Variants in PCNT observed in about 807,000 individuals in gnomAD.
The protein encoded by PCNT is kendrin.
A neutral mutation model predicts 380.4 loss-of-function variants in PCNT; 319 were observed. The ratio of observed to expected loss-of-function variants is 0.84; its 90% CI spans 0.77 to 0.92. The LOEUF (loss-of-function observed/expected upper bound fraction) is 0.92, where lower values mean the gene tolerates loss of function less well. Ranked by LOEUF, PCNT falls within the 40% of genes least tolerant of loss-of-function variation. The pLI is 0.00. For missense variants in PCNT, 4,400 were observed against 4,255.3 expected, an observed-to-expected ratio of 1.03 and a Z score of -0.95; for synonymous variants, 1,845 against 1,735.2, an observed-to-expected ratio of 1.06 and a Z score of -1.57.
rs144633170 is a variant in PCNT at position 46,425,910 on chromosome 21, C to T, written c.7259C>T (p.Pro2420Leu). ...SEGLAPPSGE[P>L]HPPRKEDEIQ... ...GGCCTTGCACCCCCAAGCGGCGAGC[C>T]ACACCCACCCCGGAAGGAAGACGAG... The change falls in exon 33 of 47, where the codon CCA (proline) becomes CTA (leucine). Residue 2420 changes from proline (P) to leucine (L), a missense_variant. Coordinates refer to ENST00000359568, the MANE Select transcript of PCNT (RefSeq NM_006031.6). The surrounding 1 kb of genome is among the most constrained non-coding windows in gnomAD (Gnocchi z 4.2). 83 of 1,613,916 alleles carry T rather than the reference C, an allele frequency of 5.1e-5. No individual in the cohort carries two copies. The African/African-American group carries it at 1.0e-3, about 19-fold the overall frequency.
At chr21:46,418,844 G>T (rs1049591650) in intron 31 of PCNT, among the ~76,000 whole-genome samples, 2 of 152,172 alleles carry the variant, frequency 1.3e-5, no homozygotes, top group Non-Finnish European at 2.9e-5. Flanking sequence ...GATGGTGCGT[G>T]GGGGGCTGCG....
intron 13 of PCNT, among the ~76,000 whole-genome samples, chr21:46,359,504 T>TTTTTTTTTTTTTTTTTTTTA: frequency 8.1e-6 from 1 of 124,020 alleles, no homozygotes; most frequent in Non-Finnish European, 1.8e-5. Context: ...TTTTTTTTTT[T>TTTTTTTTTTTTTTTTTTTTA]TTTGAGACAG....
intron 25 of PCNT, among the ~76,000 whole-genome samples, chr21:46,400,512 C>CT (rs1215264897): frequency 0.011 from 950 of 84,466 alleles, 20 homozygotes; most frequent in East Asian, 0.02. Context: ...GTGTCTGATT[C>CT]TTTTTTTTTT....
intron 27 of PCNT, among the ~76,000 whole-genome samples, chr21:46,410,372 GA>G (rs1341611003): frequency 6.6e-6 from 1 of 152,174 alleles, no homozygotes; most frequent in African/African-American, 2.4e-5. Context: ...GAGTTGTTAT[GA>G]AACCCTCAGT....
At position 46,397,418 on chromosome 21, in the gene PCNT, C is replaced by T. The variant is rs1417794024; in HGVS notation, c.4370C>T (p.Ala1457Val). Residue 1457 changes from alanine (A) to valine (V), a missense_variant, in exon 22 of 47, where the codon GCG becomes GTG. Physicochemically the swap from Ala to Val is moderately conservative, Grantham distance 64 (BLOSUM62 0). Coordinates refer to ENST00000359568, the MANE Select transcript of PCNT (RefSeq NM_006031.6). ...LSQHRGCAKQ[A>V]EAVTALEQQV... is the part of the protein sequence containing the mutation. The stretch of plus-strand genomic sequence containing the variant: ...CAGCATCGCGGGTGTGCCAAGCAGG[C>T]GGAGGCCGTCACTGCCCTGGAACAG... The T allele has an allele frequency of 1.8e-5, 29 of 1,614,022 alleles. No homozygotes were observed. In the East Asian group the frequency reaches 2.2e-4, roughly 12 times the overall value.
intron 20 of PCNT, 117 bp from the exon 21 acceptor site, chr21:46,391,047 T>C: frequency 8.5e-7 from 1 of 1,178,352 alleles, no homozygotes; most frequent in Non-Finnish European, 1.2e-6. Context: ...TCCTGGAAGC[T>C]GCTGGCTCTT....
chr21:46,398,100 G>A lies in PCNT; in HGVS notation c.4533G>A (p.Lys1511=), dbSNP rs776469760. Residue 1511 remains lysine (K), a synonymous_variant, in exon 23 of 47, where the codon AAG becomes AAA. Coordinates refer to ENST00000359568, the MANE Select transcript of PCNT (RefSeq NM_006031.6). The part of the protein sequence containing the change: ...RLEGQLRQAA[K]PQPWGPRDSQ... ...AGGGGCAGCTCCGCCAGGCGGCCAA[G>A]CCGCAGCCCTGGGGCCCTCGCGACA... 1.2e-6 allele frequency: 2 copies of A among 1,602,692 alleles called. No homozygotes were observed. The highest frequency in any genetic ancestry group is 3.4e-5 in the Admixed American group (2 of 58,600).
At chr21:46,414,220 G>A (rs1276116168) in intron 29 of PCNT, among the ~76,000 whole-genome samples, 3 of 152,052 alleles carry the variant, frequency 2.0e-5, no homozygotes, top group Non-Finnish European at 4.4e-5. Flanking sequence ...TTGAACTCTT[G>A]ACCTTAGGTG....
At chr21:46,390,254 C>T (rs535087894) in intron 19 of PCNT, among the ~76,000 whole-genome samples, 2 of 152,328 alleles carry the variant, frequency 1.3e-5, no homozygotes, top group South Asian at 2.1e-4. Context: ...CTGAGGCTGC[C>T]GTGAGTTGTG....
At chr21:46,340,981 T>A (rs1235078899) in intron 3 of PCNT, among the ~76,000 whole-genome samples, 1 of 152,138 alleles carries the variant, frequency 6.6e-6, no homozygotes, top group African/African-American at 2.4e-5. Context: ...CCTCCCAGGT[T>A]CAAGAGATTC....
In PCNT at chr21:46,363,797, G is replaced by T; in HGVS notation, c.2472G>T (p.Leu824=). 1 of 1,613,498 alleles carries T rather than the reference G, an allele frequency of 6.2e-7. No homozygotes were observed. ...AGCAGCAGGGCCGCCTGCAGCAGCT[G>T]GAACAGGACCTCACTTCAGACGACG... ...LTEQQGRLQQ[L]EQDLTSDDAL... Residue 824 remains leucine (L), a synonymous_variant, in exon 14 of 47, where the codon CTG becomes CTT. Coordinates refer to ENST00000359568, the MANE Select transcript of PCNT (RefSeq NM_006031.6).
At chr21:46,349,539 C>T (rs770590199) in intron 7 of PCNT, 145 bp from the exon 8 acceptor site, 32 of 828,530 alleles carry the variant, frequency 3.9e-5, no homozygotes, top group Admixed American at 1.0e-4. Context: ...TGCTATCAGG[C>T]ATGTGAGGCT....
chr21:46,400,192 A>C (rs1193569878), intron 25 of PCNT, among the ~76,000 whole-genome samples: 1 of 152,118 alleles, frequency 6.6e-6, no homozygotes, highest in Non-Finnish European at 1.5e-5. Context: ...CTCCCAGTGA[A>C]GAGATCTCCA....
At position 46,431,953 on chromosome 21, in the gene PCNT, GTGA is replaced by G. The variant is rs2087781931; in HGVS notation, c.8490_8492del (p.Cys2830_Glu2831delinsTrp). The G allele has an allele frequency of 6.2e-7, 1 of 1,614,082 alleles. No individual in the cohort carries two copies. The highest frequency in any genetic ancestry group is 1.3e-5 in the African/African-American group (1 of 75,068). On this transcript the variant is annotated inframe_deletion, in exon 38 of 47. Transcript: ENST00000359568. ...CTTGAGGCTGAGGCTCAGAAGCACTGTGAGGCGCTCAGGAGAGAGAAGGAGGTA... is the reference window on the plus strand; with the variant it reads ...CTTGAGGCTGAGGCTCAGAAGCACTGGGCGCTCAGGAGAGAGAAGGAGGTA...
At chr21:46,361,904 G>T (rs2084733926) in intron 13 of PCNT, among the ~76,000 whole-genome samples, 1 of 152,076 alleles carries the variant, frequency 6.6e-6, no homozygotes, top group African/African-American at 2.4e-5. Flanking sequence ...CTTGGTGTTG[G>T]TTTCCATTGA....
intron 15 of PCNT, among the ~76,000 whole-genome samples, chr21:46,375,222 A>C (rs978471557): frequency 6.6e-6 from 1 of 152,132 alleles, no homozygotes; most frequent in Non-Finnish European, 1.5e-5. Context: ...AGTGAATCGC[A>C]TGCGGCCGGT....
In PCNT at chr21:46,416,637, C is replaced by T; in HGVS notation, c.6719C>T (p.Pro2240Leu). ...AAGGACTGGACCCTGGAGCCCTGGCCCAGCCTCCCCGTGACACCCCACTCA... is the reference window on the plus strand; with the variant it reads ...AAGGACTGGACCCTGGAGCCCTGGCTCAGCCTCCCCGTGACACCCCACTCA... ...LRKDWTLEPW[P>L]SLPVTPHSGA... is the part of the protein sequence containing the mutation. The change falls in exon 30 of 47, where the codon CCC (proline) becomes CTC (leucine). Residue 2240 changes from proline to leucine, a missense_variant. Coordinates refer to ENST00000359568, the MANE Select transcript of PCNT (RefSeq NM_006031.6). 1 of 1,568,992 alleles carries T rather than the reference C, an allele frequency of 6.4e-7. No individual in the cohort carries two copies. Among genetic ancestry groups the T allele is most frequent in the South Asian group, 1.2e-5 (1 of 82,704 alleles).
intron 40 of PCNT, among the ~76,000 whole-genome samples, chr21:46,437,800 C>T (rs559523169): frequency 1.1e-4 from 17 of 152,338 alleles, no homozygotes; most frequent in African/African-American, 2.9e-4. Flanking sequence ...GACCTTTCAG[C>T]GTGCCCACCC....
At chr21:46,375,629 G>C (rs1218394151) in intron 15 of PCNT, among the ~76,000 whole-genome samples, 3 of 152,176 alleles carry the variant, frequency 2.0e-5, no homozygotes, top group East Asian at 1.9e-4. Flanking sequence ...TGAGGGGGTG[G>C]CTGAGGACGC....
Sources: allele counts gnomAD v4.1 joint callset (sites outside exome capture counted in the v4.1 genomes callset), GRCh38; gene constraint gnomAD v4.1.1; non-coding constraint Gnocchi (gnomAD v3.1); transcripts MANE v1.5; gene names NCBI Gene and HGNC (gene_info 2026-07-23, HGNC 2026-07-21).